Variants in TTLL9 observed in about 807,000 individuals in gnomAD.
The protein encoded by TTLL9 is tubulin tyrosine ligase like 9.
Under a neutral mutation model 65.6 loss-of-function variants are expected in TTLL9, and 47 were observed. That is an observed-to-expected ratio of 0.72 (90% confidence interval 0.57 to 0.91). TTLL9 has a LOEUF of 0.91. TTLL9 is among the 40% of genes least tolerant of loss of function. The pLI is 0.00. For missense variants in TTLL9, 537 were observed against 568.8 expected, an observed-to-expected ratio of 0.94 and a Z score of 0.57; for synonymous variants, 179 against 204.8, an observed-to-expected ratio of 0.87 and a Z score of 1.07.
At chr20:31,879,845 C>T (rs1239258228) in intron 2 of TTLL9, 8 of 1,549,926 alleles carry the variant, frequency 5.2e-6, no homozygotes, top group East Asian at 4.9e-5. Context: ...GCGAGGCGCG[C>T]GGTGGCGGTT....
At chr20:31,925,133 T>G in intron 9 of TTLL9, 84 bp downstream of exon 9, 85 of 1,316,864 alleles carry the variant, frequency 6.5e-5, no homozygotes, top group Non-Finnish European at 8.6e-5. Flanking sequence ...GGCCTGGGGG[T>G]ACCTTGTGTG....
rs1456536750 is a variant in TTLL9, at chr20:31,908,716, G to A, written c.318+14G>A. 1.2e-6 allele frequency: 2 copies of A among 1,605,700 alleles called. No homozygotes were observed. The highest frequency in any genetic ancestry group is 3.3e-5 in the Admixed American group (2 of 59,866). On this transcript the variant is annotated intron_variant, in intron 5 of 14. Transcript: ENST00000535842. ...AACCACTATGAGGTGAGCTGGGCAG[G>A]CGGGAGGGACTGTGCCAACCAACTC...
At chr20:31,923,951 A>G (rs1207049792) in intron 8 of TTLL9, among the ~76,000 whole-genome samples, 1 of 152,044 alleles carries the variant, frequency 6.6e-6, no homozygotes, top group Non-Finnish European at 1.5e-5. Context: ...GCAGCCTGTG[A>G]CATCCGTCTT....
chr20:31,918,485 C>T (rs762815514), intron 6 of TTLL9, among the ~76,000 whole-genome samples: 3 of 152,092 alleles, frequency 2.0e-5, no homozygotes, highest in African/African-American at 4.8e-5. Flanking sequence ...CATCCTTCCA[C>T]CTCTGCCTCC....
rs530944645 is a variant in TTLL9, at chr20:31,886,468, T to C, written c.70-728T>C. 3.3e-5 allele frequency among the ~76,000 whole-genome samples: 5 copies of C among 152,210 alleles called. No individual in the cohort carries two copies. The South Asian group carries it at 1.0e-3, about 32-fold the overall frequency. On this transcript the variant is annotated intron_variant, in intron 2 of 14. Coordinates refer to ENST00000535842, the MANE Select transcript of TTLL9 (RefSeq NM_001008409.5). ...AAAGGAATGAACATTGCTCTGAGTCTTTGACCTAGCCCCTTCTGGGATCCT... is the reference window on the plus strand; with the variant it reads ...AAAGGAATGAACATTGCTCTGAGTCCTTGACCTAGCCCCTTCTGGGATCCT...
chr20:31,891,081 T>C (rs1014085874), intron 3 of TTLL9, among the ~76,000 whole-genome samples: 1 of 152,242 alleles, frequency 6.6e-6, no homozygotes, highest in Non-Finnish European at 1.5e-5. Flanking sequence ...GGTATAGAGC[T>C]AGGACAGGTT....
At chr20:31,889,516 G>C (rs1174547721) in intron 3 of TTLL9, among the ~76,000 whole-genome samples, 1 of 150,782 alleles carries the variant, frequency 6.6e-6, no homozygotes, top group South Asian at 2.1e-4. Context: ...TCTGCCTCCC[G>C]GGTTCAAGTG....
intron 2 of TTLL9, among the ~76,000 whole-genome samples, chr20:31,875,683 A>G (rs1024813422): frequency 6.6e-6 from 1 of 152,172 alleles, no homozygotes; most frequent in African/African-American, 2.4e-5. Context: ...TTCCTCTATC[A>G]TATTATTGTT....
At chr20:31,905,177 T>C (rs1258904884) in intron 4 of TTLL9, among the ~76,000 whole-genome samples, 1 of 152,016 alleles carries the variant, frequency 6.6e-6, no homozygotes, top group African/African-American at 2.4e-5. Context: ...TTCAAGTGAT[T>C]CTCCTGCCTC....
At chr20:31,884,110 T>G (rs908360489) in intron 2 of TTLL9, 2 of 511,068 alleles carry the variant, frequency 3.9e-6, no homozygotes, top group Admixed American at 7.4e-5. Flanking sequence ...AAGGTCAATA[T>G]ACAAAATCAG....
intron 11 of TTLL9, among the ~76,000 whole-genome samples, chr20:31,934,112 C>A (rs915057107): frequency 6.6e-6 from 1 of 152,254 alleles, no homozygotes; most frequent in African/African-American, 2.4e-5. Context: ...ATCCTCCTAC[C>A]TTGACAGATA....
chr20:31,888,166 G>A (rs1327394186), intron 3 of TTLL9, among the ~76,000 whole-genome samples: 1 of 152,200 alleles, frequency 6.6e-6, no homozygotes, highest in African/African-American at 2.4e-5. Flanking sequence ...TTACAGGCGT[G>A]AGCCACCACG....
chr20:31,892,812 T>G (rs538626638), intron 3 of TTLL9, among the ~76,000 whole-genome samples: 2 of 152,334 alleles, frequency 1.3e-5, no homozygotes, highest in African/African-American at 4.8e-5. Flanking sequence ...GAAGCATAAT[T>G]ACACCACTTC....
intron 10 of TTLL9, among the ~76,000 whole-genome samples, chr20:31,928,204 C>G (rs921738448): frequency 2.0e-5 from 3 of 152,132 alleles, no homozygotes; most frequent in African/African-American, 7.2e-5. Context: ...TTAAACAAAT[C>G]AAGCCCTCTC....
chr20:31,888,773 G>C (rs1161063971), intron 3 of TTLL9, among the ~76,000 whole-genome samples: 1 of 152,232 alleles, frequency 6.6e-6, no homozygotes, highest in African/African-American at 2.4e-5. Context: ...GAAGGCAAAG[G>C]GGGAGCAGGC....
intron 3 of TTLL9, among the ~76,000 whole-genome samples, chr20:31,894,221 A>T (rs1388724118): frequency 6.8e-6 from 1 of 147,934 alleles, no homozygotes; most frequent in Admixed American, 7.0e-5. Flanking sequence ...CTCCCACCTC[A>T]GCTCCCCAGG....
chr20:31,914,667 A>C (rs2063707835), intron 6 of TTLL9, among the ~76,000 whole-genome samples: 1 of 152,180 alleles, frequency 6.6e-6, no homozygotes, highest in Admixed American at 6.5e-5. Flanking sequence ...GCGAAGAAAG[A>C]AGAGAGGGAG....
chr20:31,879,651 C>A, intron 2 of TTLL9: 1 of 607,948 alleles, frequency 1.6e-6, no homozygotes, highest in Non-Finnish European at 2.8e-6. Flanking sequence ...CGCGGAGAGG[C>A]GAGGCTGGAA....
At chr20:31,931,462 T>A (rs986211719) in intron 10 of TTLL9, among the ~76,000 whole-genome samples, 18 of 151,968 alleles carry the variant, frequency 1.2e-4, no homozygotes, top group African/African-American at 3.9e-4. Context: ...TTCGTGTACA[T>A]ACAGGGTTTC....
Sources: gnomAD v4.1 joint callset for allele counts (sites outside exome capture counted in the v4.1 genomes callset) on GRCh38, gnomAD v4.1.1 for gene constraint, MANE v1.5 for transcripts, NCBI Gene and HGNC (gene_info 2026-07-23, HGNC 2026-07-21) for gene names.